Variants in GFPT2 observed in about 807,000 individuals in gnomAD.
GFPT2 encodes the protein glutamine--fructose-6-phosphate transaminase 2.
GFPT2 carries 62 observed loss-of-function variants against 85.6 expected under a neutral mutation model. The observed-to-expected ratio is 0.72, with a 90% CI of 0.59 to 0.90. The LOEUF (loss-of-function observed/expected upper bound fraction) is 0.90. Ranked by LOEUF, GFPT2 falls within the 40% of genes least tolerant of loss-of-function variation. GFPT2 has a pLI of 0.00. For missense variants in GFPT2, 788 were observed against 893.4 expected (o/e 0.88, Z 1.50); for synonymous variants, 368 against 344.5 (o/e 1.07, Z -0.75).
rs147399556 is a variant in GFPT2, at chr5:180,301,930, T to C, written c.2005-322A>G. Among the ~76,000 whole-genome samples, 664 of 111,324 alleles carry C rather than the reference T, an allele frequency of 6.0e-3. 12 individuals carry two copies. The East Asian group carries it at 0.074, about 12-fold the overall frequency. 73.0% of individuals were successfully genotyped at this position (111,324 alleles called of 152,430 possible). The stretch of plus-strand genomic sequence containing the variant: ...AATTAACTTTTCTTGCAAGAATATA[T>C]ATGAATTCCATGGGACTTATTTGTT... On this transcript the variant is annotated intron_variant, in intron 18 of 18. Coordinates refer to ENST00000253778, the MANE Select transcript of GFPT2 (RefSeq NM_005110.4).
At chr5:180,306,447 A>G (rs77349289) in intron 16 of GFPT2, among the ~76,000 whole-genome samples, 1,787 of 152,342 alleles carry the variant, frequency 0.012, 51 homozygotes, top group East Asian at 0.098. Flanking sequence ...GCATGCTGAC[A>G]GCGAGGAAAG....
In GFPT2 at chr5:180,336,522, G is replaced by T; in HGVS notation, c.171C>A (p.Val57=). Residue 57 remains valine (V), a synonymous_variant, in exon 3 of 19, where the codon GTC becomes GTA. Transcript: ENST00000253778. ...HEVKERHIQL[V]KKRGKVKALD... is the part of the protein sequence containing the mutation. ...GAGCCTTGACTTTCCCCCTTTTCTT[G>T]ACCAGCTGAATGTGTCTTTCTTTGA... 6.2e-7 allele frequency: 1 copy of T among 1,611,558 alleles called. No individual in the cohort carries two copies. The highest frequency in any genetic ancestry group is 1.3e-5 in the African/African-American group (1 of 74,960).
chr5:180,317,809 C>A (rs1581375016), intron 10 of GFPT2, among the ~76,000 whole-genome samples: 1 of 151,088 alleles, frequency 6.6e-6, no homozygotes, highest in East Asian at 1.9e-4. Context: ...TTCCAGGGCT[C>A]TGATTTGAGT....
chr5:180,338,609 A>G lies in GFPT2; in HGVS notation c.8-9T>C, dbSNP rs1442593262. On this transcript the variant is annotated splice_polypyrimidine_tract_variant and intron_variant, in intron 1 of 18. Transcript: ENST00000253778. The stretch of plus-strand genomic sequence containing the variant: ...CATGTAGGCAAAGATTCCTGTTCAA[A>G]GAGAAAAAAATGGTGCATTCATAAA... 1 of 1,527,242 alleles carries G rather than the reference A, an allele frequency of 6.5e-7. No individual in the cohort carries two copies. The highest frequency in any genetic ancestry group is 1.1e-5 in the South Asian group (1 of 88,536). The allele number at this position is 1,527,242 out of a possible 1,614,324, so 94.6% of individuals were successfully genotyped here.
At position 180,318,891 on chromosome 5, in the gene GFPT2, T is replaced by C. The variant is rs759779198; in HGVS notation, c.860A>G (p.Asp287Gly). ...LEDDDIAAVA[D>G]GKLSIHRVKR... ...GACCCGGTGAATGGAGAGTTTCCCATCAGCCACTGCGGCGATGTCATCGTC... is the reference window on the plus strand; with the variant it reads ...GACCCGGTGAATGGAGAGTTTCCCACCAGCCACTGCGGCGATGTCATCGTC... Residue 287 changes from aspartate (D) to glycine (G), a missense_variant, in exon 10 of 19, where the codon GAT becomes GGT. Coordinates refer to ENST00000253778, the MANE Select transcript of GFPT2 (RefSeq NM_005110.4). The surrounding 1 kb of genome is among the most constrained non-coding windows in gnomAD (Gnocchi z 4.2). 2.5e-6 allele frequency: 4 copies of C among 1,613,802 alleles called. No individual in the cohort carries two copies. Among genetic ancestry groups the C allele is most frequent in the African/African-American group, 2.7e-5 (2 of 74,934 alleles).
intron 13 of GFPT2, among the ~76,000 whole-genome samples, chr5:180,315,544 G>T (rs561958369): frequency 6.6e-6 from 1 of 152,236 alleles, no homozygotes; most frequent in East Asian, 1.9e-4. Context: ...TGAATATCAT[G>T]ATGCCCGGGA....
In GFPT2 at chr5:180,328,135, C is replaced by G; in HGVS notation, c.596+142G>C. 1 of 609,308 alleles carries G rather than the reference C, an allele frequency of 1.6e-6. No homozygotes were observed. Among genetic ancestry groups the G allele is most frequent in the Admixed American group, 2.8e-5 (1 of 36,268 alleles). The allele number at this position is 609,308 out of a possible 1,614,324, so 37.7% of individuals were successfully genotyped here. On this transcript the variant is annotated intron_variant, in intron 7 of 18. Transcript: ENST00000253778. The surrounding 1 kb of genome is among the most constrained non-coding windows in gnomAD (Gnocchi z 5.4). Reference sequence around the variant, plus strand: ...GCCATGGAGATGGTGGGGCGCGGTCCCCGGGGCTGAGCCACAGTTGTTCTT... The same window carrying G: ...GCCATGGAGATGGTGGGGCGCGGTCGCCGGGGCTGAGCCACAGTTGTTCTT...
At chr5:180,320,239 G>A (rs974639744) in intron 9 of GFPT2, among the ~76,000 whole-genome samples, 7 of 151,946 alleles carry the variant, frequency 4.6e-5, no homozygotes, top group Non-Finnish European at 1.5e-5. Flanking sequence ...TGATCCGCCC[G>A]CCTCGGCCTC....
At chr5:180,352,359 A>AAG (rs55773839) in intron 1 of GFPT2, 115 of 420,128 alleles carry the variant, frequency 2.7e-4, no homozygotes, top group African/African-American at 2.4e-3. Context: ...AAAAAAAAAA[A>AAG]GAGCACAGTG....
chr5:180,301,619 AG>A lies in GFPT2; in HGVS notation c.2005-12del. On this transcript the variant is annotated splice_polypyrimidine_tract_variant and intron_variant, in intron 18 of 18. Transcript: ENST00000253778. ...TCTGGGGAAGTCAACCTAAAATGAA[AG>A]AAAGTGACTGTTCAGGACCCCAAAG... 1 of 1,610,952 alleles carries A rather than the reference AG, an allele frequency of 6.2e-7. No individual in the cohort carries two copies. The highest frequency in any genetic ancestry group is 8.5e-7 in the Non-Finnish European group (1 of 1,177,064).
intron 1 of GFPT2, among the ~76,000 whole-genome samples, chr5:180,351,174 G>T (rs973389284): frequency 6.6e-6 from 1 of 152,202 alleles, no homozygotes; most frequent in African/African-American, 2.4e-5. Flanking sequence ...AGTATCACTT[G>T]TCATACATAC....
chr5:180,318,485 A>C lies in GFPT2; in HGVS notation c.958+308T>G. On this transcript the variant is annotated intron_variant, in intron 10 of 18. Transcript: ENST00000253778. This position sits in a 1 kb window ranked among gnomAD's most constrained non-coding sequence, Gnocchi z 4.2. ...ACCTGCAGACTTCCACCCAGAGGAGAAATGATGCCTGAGGGTGGGCATGTG... is the reference window on the plus strand; with the variant it reads ...ACCTGCAGACTTCCACCCAGAGGAGCAATGATGCCTGAGGGTGGGCATGTG... The C allele has an allele frequency of 3.0e-6, 1 of 334,002 alleles. No homozygotes were observed. Among genetic ancestry groups the C allele is most frequent in the Middle Eastern group, 9.1e-4 (1 of 1,102 alleles). The allele number at this position is 334,002 out of a possible 1,614,324, so 20.7% of individuals were successfully genotyped here.
intron 1 of GFPT2, among the ~76,000 whole-genome samples, chr5:180,352,009 G>A (rs1764718965): frequency 6.6e-6 from 1 of 152,142 alleles, no homozygotes; most frequent in Admixed American, 6.5e-5. Flanking sequence ...TCTGCCCCCA[G>A]AAACACCCAA....
intron 1 of GFPT2, among the ~76,000 whole-genome samples, chr5:180,340,186 T>A: frequency 6.6e-6 from 1 of 150,410 alleles, no homozygotes; most frequent in African/African-American, 2.4e-5. Context: ...CTCTGGAGGT[T>A]TTTTTTTTTG....
chr5:180,307,437 G>A (rs1245834428), intron 15 of GFPT2, 134 bp from the exon 16 acceptor site: 8 of 807,508 alleles, frequency 9.9e-6, no homozygotes, highest in African/African-American at 3.4e-5. Flanking sequence ...CCTCGCATTC[G>A]TTTCAAACGT....
Position 180,312,496 on chromosome 5 carries a change from A to C in GFPT2, c.1480T>G (p.Ser494Ala). The change falls in exon 15 of 19, where the codon TCT (serine) becomes GCT (alanine). Residue 494 changes from serine to alanine, a missense_variant. By Grantham distance (99) the Ser-to-Ala change is moderately conservative (BLOSUM62 1). Transcript: ENST00000253778. ...TTTTGTAGTGAAATTCGGTCTTCAG[A>C]CATCATCAAACCAAACATCACCAGA... ...ISLVMFGLMMSEDRISLQNRR... is the reference protein window; with the variant it reads ...ISLVMFGLMMAEDRISLQNRR... 1 of 1,611,574 alleles carries C rather than the reference A, an allele frequency of 6.2e-7. No homozygotes were observed. Among genetic ancestry groups the C allele is most frequent in the Non-Finnish European group, 8.5e-7 (1 of 1,177,612 alleles).
Position 180,307,230 on chromosome 5 carries a change from C to T in GFPT2, c.1620G>A (p.Ser540=), listed in dbSNP as rs117316494. Residue 540 remains serine (S), a synonymous_variant, in exon 16 of 19, where the codon TCG becomes TCA. Transcript: ENST00000253778. ...DLALELYTQR[S]LLVMGRGYNY... The stretch of plus-strand genomic sequence containing the variant: ...TGTAGCCCCGCCCCATCACCAGCAG[C>T]GATCTCTGCGTGTAGAGCTCCAGGG... 6.8e-6 allele frequency: 11 copies of T among 1,612,442 alleles called. No individual in the cohort carries two copies. Among genetic ancestry groups the T allele is most frequent in the Admixed American group, 6.7e-5 (4 of 59,802 alleles).
rs540642210 is a variant in GFPT2 at position 180,317,044 on chromosome 5, A to C, written c.973T>G (p.Phe325Val). The C allele has an allele frequency of 1.2e-6, 2 of 1,602,620 alleles. No individual in the cohort carries two copies. Among genetic ancestry groups the C allele is most frequent in the Admixed American group, 3.3e-5 (2 of 60,012 alleles). ...TGTTCGAAGATCTCCTTCTGCATAA[A>C]CGCACTGAAGTTACCTGGTCAAATA... ...QQIMKGNFSAFMQKEIFEQPE... is the reference protein window; with the variant it reads ...QQIMKGNFSAVMQKEIFEQPE... Residue 325 changes from phenylalanine (F) to valine (V), a missense_variant, in exon 11 of 19, where the codon TTT becomes GTT. Transcript: ENST00000253778.
chr5:180,331,858 T>C (rs543665527), intron 4 of GFPT2, among the ~76,000 whole-genome samples: 1 of 152,230 alleles, frequency 6.6e-6, no homozygotes, highest in Non-Finnish European at 1.5e-5. Context: ...CTGTGCGCTA[T>C]TATAGTATCA....
Sources: gnomAD v4.1 joint callset for allele counts (sites outside exome capture counted in the v4.1 genomes callset) on GRCh38, gnomAD v4.1.1 for gene constraint, Gnocchi (gnomAD v3.1) non-coding constraint, MANE v1.5 for transcripts, NCBI Gene and HGNC (gene_info 2026-07-23, HGNC 2026-07-21) for gene names.